Variants in TFAP2E observed in about 807,000 individuals in gnomAD.
TFAP2E encodes transcription factor AP-2-epsilon.
A neutral mutation model predicts 37.9 loss-of-function variants in TFAP2E; 30 were observed. The ratio of observed to expected loss-of-function variants is 0.79; its 90% CI spans 0.59 to 1.07. The LOEUF (loss-of-function observed/expected upper bound fraction) is 1.07. TFAP2E is among the 50% of genes least tolerant of loss of function. The pLI is 0.00. For missense variants in TFAP2E, 567 were observed against 637.9 expected (o/e 0.89, Z 1.20); for synonymous variants, 318 against 295.8 (o/e 1.08, Z -0.77).
Position 35,579,900 on chromosome 1 carries a change from G to A in TFAP2E, c.562+4900G>A, listed in dbSNP as rs1364058956. 2.0e-5 allele frequency among the ~76,000 whole-genome samples: 3 copies of A among 151,868 alleles called. No homozygotes were observed. The South Asian group carries it at 6.3e-4, about 32-fold the overall frequency. ...CCTTGGAGCAGGGGAGTGAAGGATA[G>A]AAATTATATGTAAAAGAAACCCTGG... is the stretch of plus-strand genomic sequence containing the variant. On this transcript the variant is annotated intron_variant, in intron 3 of 6. Transcript: ENST00000373235.
At chr1:35,580,837 GTATGGCCCTGGAAC>G (rs1489935192) in intron 3 of TFAP2E, among the ~76,000 whole-genome samples, 2 of 151,584 alleles carry the variant, frequency 1.3e-5, no homozygotes, top group African/African-American at 2.4e-5. Context: ...ACCCCTGGAA[GTATGGCCCTGGAAC>G]TTGCATTTTT....
At position 35,594,300 on chromosome 1, in the gene TFAP2E, G is replaced by A. The variant is rs565509909; in HGVS notation, c.1047-94G>A. On this transcript the variant is annotated intron_variant, in intron 6 of 6. Transcript: ENST00000373235. The stretch of plus-strand genomic sequence containing the variant: ...GACTGTTGGGAGGGTCAGCAATTGT[G>A]TAGCTAATGTCTGTAAAATGCCTAG... 1.0e-4 allele frequency: 148 copies of A among 1,472,716 alleles called. 2 individuals carry two copies. The South Asian group carries it at 1.7e-3, about 17-fold the overall frequency. The allele number at this position is 1,472,716 out of a possible 1,614,324, so 91.2% of individuals were successfully genotyped here. A position where few individuals can be genotyped will look rare whatever the true frequency, so the allele number is the denominator to read the frequency against.
chr1:35,592,767 G>A (rs1649725061), intron 6 of TFAP2E, among the ~76,000 whole-genome samples: 1 of 152,182 alleles, frequency 6.6e-6, no homozygotes, highest in Non-Finnish European at 1.5e-5. Context: ...TGTCAGGTGA[G>A]GGCCTGCTTT....
chr1:35,584,538 T>TTTTTTG (rs376929918), intron 3 of TFAP2E, among the ~76,000 whole-genome samples: 2,236 of 151,942 alleles, frequency 0.015, 67 homozygotes, highest in African/African-American at 0.051. Flanking sequence ...AATTTATCAA[T>TTTTTTG]TTTTTGTTTT....
Position 35,588,311 on chromosome 1 carries a change from G to A in TFAP2E, c.563-19G>A, listed in dbSNP as rs917120484. Reference sequence around the variant, plus strand: ...TGTGTGCGGCAGCCACTGGCTCAGCGTTTCCCTCTTCTCCACAGTGCCCAT... The same window carrying A: ...TGTGTGCGGCAGCCACTGGCTCAGCATTTCCCTCTTCTCCACAGTGCCCAT... On this transcript the variant is annotated intron_variant, in intron 3 of 6. Transcript: ENST00000373235. This position sits in a 1 kb window ranked among gnomAD's most constrained non-coding sequence, Gnocchi z 5.1. 11 of 1,593,732 alleles carry A rather than the reference G, an allele frequency of 6.9e-6. No individual in the cohort carries two copies. The highest frequency in any genetic ancestry group is 4.0e-5 in the African/African-American group (3 of 74,634).
rs1649080680 is a variant in TFAP2E at position 35,573,774 on chromosome 1, C to T, written c.28-153C>T. 2 of 1,369,850 alleles carry T rather than the reference C, an allele frequency of 1.5e-6. No individual in the cohort carries two copies. The highest frequency in any genetic ancestry group is 1.6e-5 in the South Asian group (1 of 63,112). 84.9% of individuals were successfully genotyped at this position (1,369,850 alleles called of 1,614,324 possible). A position where few individuals can be genotyped will look rare whatever the true frequency, so the allele number is the denominator to read the frequency against. On this transcript the variant is annotated intron_variant, in intron 1 of 6. Transcript: ENST00000373235. This position sits in a 1 kb window ranked among gnomAD's most constrained non-coding sequence, Gnocchi z 5.9. Reference sequence around the variant, plus strand: ...AGTGACCGCTGTCCCCAGCCTGAGGCTCCTGCGCCCGCGGGTGGCTCGGAA... The same window carrying T: ...AGTGACCGCTGTCCCCAGCCTGAGGTTCCTGCGCCCGCGGGTGGCTCGGAA...
chr1:35,580,216 A>G (rs543538243), intron 3 of TFAP2E, among the ~76,000 whole-genome samples: 2 of 152,258 alleles, frequency 1.3e-5, no homozygotes, highest in East Asian at 3.9e-4. Context: ...ATCTTAAAAA[A>G]AAAGAAAGAA....
chr1:35,591,454 G>T (rs923726221), intron 6 of TFAP2E, among the ~76,000 whole-genome samples: 2 of 152,100 alleles, frequency 1.3e-5, no homozygotes, highest in Admixed American at 1.3e-4. Flanking sequence ...TGACTGTTCT[G>T]CAAATCCCAT....
intron 3 of TFAP2E, among the ~76,000 whole-genome samples, chr1:35,576,857 G>A (rs1213659952): frequency 1.3e-5 from 2 of 151,966 alleles, no homozygotes; most frequent in African/African-American, 4.8e-5. Context: ...CTGGAGCGGG[G>A]CGGGACGCGG....
rs774831047 is a variant in TFAP2E at position 35,590,743 on chromosome 1, G to A, written c.1014G>A (p.Leu338=). ...GACAGCACGCTGACCCGGGGGAGCT[G>A]CACAGCCGCAAGAGCATGCTGCTGG... ...LCRQHADPGE[L]HSRKSMLLAA... is the part of the protein sequence containing the mutation. The change falls in exon 6 of 7, where the codon CTG becomes CTA. Residue 338 remains leucine (L), a synonymous_variant. Transcript: ENST00000373235. The surrounding 1 kb of genome is among the most constrained non-coding windows in gnomAD (Gnocchi z 6.2). The A allele has an allele frequency of 6.6e-7, 1 of 1,506,314 alleles. No individual in the cohort carries two copies. Among genetic ancestry groups the A allele is most frequent in the Non-Finnish European group, 9.0e-7 (1 of 1,115,608 alleles). The allele number at this position is 1,506,314 out of a possible 1,614,324, so 93.3% of individuals were successfully genotyped here. A position where few individuals can be genotyped will look rare whatever the true frequency, so the allele number is the denominator to read the frequency against.
intron 3 of TFAP2E, among the ~76,000 whole-genome samples, chr1:35,584,275 T>A (rs567577504): frequency 1.6e-4 from 24 of 151,808 alleles, no homozygotes; most frequent in Admixed American, 9.2e-4. Flanking sequence ...CTTAAAAAAA[T>A]TTTTTTTTGT....
At chr1:35,593,343 C>G (rs1308101839) in intron 6 of TFAP2E, among the ~76,000 whole-genome samples, 1 of 152,174 alleles carries the variant, frequency 6.6e-6, no homozygotes, top group East Asian at 1.9e-4. Flanking sequence ...AGAGATAAAT[C>G]TGAGAACTAC....
At chr1:35,575,077 G>A (rs1649131679) in intron 3 of TFAP2E, 77 bp downstream of exon 3, 1 of 1,582,382 alleles carries the variant, frequency 6.3e-7, no homozygotes, top group Non-Finnish European at 8.7e-7. Flanking sequence ...TTCTTCACCG[G>A]CCGTGCCTCC....
At chr1:35,584,597 T>C (rs1345745059) in intron 3 of TFAP2E, among the ~76,000 whole-genome samples, 1 of 152,140 alleles carries the variant, frequency 6.6e-6, no homozygotes, top group Non-Finnish European at 1.5e-5. Context: ...CCACCCAGGC[T>C]GGCATGGTCA....
In TFAP2E at chr1:35,594,556, T is replaced by C. The variant is rs757609312; in HGVS notation, c.1209T>C (p.Thr403=). ...GGCCTGCCATCTGTGCTGCCCTCACTGCCTTCCAGAACTATTTGCTGGAGT... is the reference window on the plus strand; with the variant it reads ...GGCCTGCCATCTGTGCTGCCCTCACCGCCTTCCAGAACTATTTGCTGGAGT... The part of the protein sequence containing the change: ...FGGPAICAAL[T]AFQNYLLESL... The change falls in exon 7 of 7, where the codon ACT becomes ACC. Residue 403 remains threonine, a synonymous_variant. Coordinates refer to ENST00000373235, the MANE Select transcript of TFAP2E (RefSeq NM_178548.4). The C allele has an allele frequency of 6.2e-7, 1 of 1,614,220 alleles. No individual in the cohort carries two copies. The highest frequency in any genetic ancestry group is 1.1e-5 in the South Asian group (1 of 91,084).
chr1:35,574,755 C>T (rs1005877146), intron 2 of TFAP2E, 194 bp from the exon 3 acceptor site: 15 of 726,164 alleles, frequency 2.1e-5, no homozygotes, highest in African/African-American at 3.5e-5. Flanking sequence ...TCCCTTTTTG[C>T]ACTGCACAGT....
rs538116853 is a variant in TFAP2E at position 35,577,734 on chromosome 1, C to G, written c.562+2734C>G. ...CACCTGGAGCTCGCAGGGCCCAGAC[C>G]TGGGTTGGAAAAGCTTCGCTGACTG... is the stretch of plus-strand genomic sequence containing the variant. On this transcript the variant is annotated intron_variant, in intron 3 of 6. Transcript: ENST00000373235. The surrounding 1 kb of genome is among the most constrained non-coding windows in gnomAD (Gnocchi z 6.3). 1 of 258,712 alleles carries G rather than the reference C, an allele frequency of 3.9e-6. No homozygotes were observed. 16.0% of individuals were successfully genotyped at this position (258,712 alleles called of 1,614,324 possible). A position where few individuals can be genotyped will look rare whatever the true frequency, so the allele number is the denominator to read the frequency against.
Position 35,573,413 on chromosome 1 carries a change from A to T in TFAP2E, c.-165A>T. ...TCCATGGACCCGCCCGGGAACGGCC[A>T]CCGCTGAGGACCCCACGCCCACTAG... is the stretch of plus-strand genomic sequence containing the variant. On this transcript the variant is annotated 5_prime_UTR_variant, in exon 1 of 7. Transcript: ENST00000373235. The surrounding 1 kb of genome is among the most constrained non-coding windows in gnomAD (Gnocchi z 5.9). The T allele has an allele frequency of 2.2e-6, 2 of 903,076 alleles. No homozygotes were observed. Among genetic ancestry groups the T allele is most frequent in the Non-Finnish European group, 3.1e-6 (2 of 653,958 alleles). 55.9% of individuals were successfully genotyped at this position (903,076 alleles called of 1,614,324 possible).
chr1:35,574,175 G>A lies in TFAP2E; in HGVS notation c.276G>A (p.Gln92=). 2 of 1,405,226 alleles carry A rather than the reference G, an allele frequency of 1.4e-6. No homozygotes were observed. The highest frequency in any genetic ancestry group is 1.9e-6 in the Non-Finnish European group (2 of 1,079,438). 87.0% of individuals were successfully genotyped at this position (1,405,226 alleles called of 1,614,324 possible). Reference sequence around the variant, plus strand: ...ATGGCGGCCTGGCGCCCCTGGCGCAGCCGCAGCCTCCTCAGGCCGCCTGGG... The same window carrying A: ...ATGGCGGCCTGGCGCCCCTGGCGCAACCGCAGCCTCCTCAGGCCGCCTGGG... ...DPYGGLAPLA[Q]PQPPQAAWAA... Residue 92 remains glutamine, a synonymous_variant, in exon 2 of 7, where the codon CAG becomes CAA. Transcript: ENST00000373235.
Sources: allele counts gnomAD v4.1 joint callset (sites outside exome capture counted in the v4.1 genomes callset), GRCh38; gene constraint gnomAD v4.1.1; non-coding constraint Gnocchi (gnomAD v3.1); transcripts MANE v1.5; gene names NCBI Gene and HGNC (gene_info 2026-07-23, HGNC 2026-07-21).